The following ZNF609 variants were observed in gnomAD, a reference collection of about 807,000 sequenced individuals.
ZNF609 encodes zinc finger protein 609.
ZNF609 carries 11 observed loss-of-function variants against 109.5 expected under a neutral mutation model. The ratio of observed to expected loss-of-function variants is 0.10; its 90% CI spans 0.06 to 0.17. ZNF609 has a LOEUF of 0.17. Ranked by LOEUF, ZNF609 falls within the 10% of genes least tolerant of loss-of-function variation. The pLI is 1.00. For missense variants in ZNF609, 1,559 were observed against 1,772.4 expected (o/e 0.88, Z 2.16); for synonymous variants, 646 against 662.0 (o/e 0.98, Z 0.37).
At chr15:64,549,624 T>C (rs891052818) in intron 2 of ZNF609, among the ~76,000 whole-genome samples, 24 of 152,184 alleles carry the variant, frequency 1.6e-4, no homozygotes, top group African/African-American at 5.8e-4. Context: ...AGAGCCAAAA[T>C]TCAAAGCCAG....
intron 2 of ZNF609, among the ~76,000 whole-genome samples, chr15:64,602,006 A>T (rs954561921): frequency 6.6e-6 from 1 of 152,102 alleles, no homozygotes. Context: ...ATTTTCTATC[A>T]AAAAAGCTAT....
intron 2 of ZNF609, among the ~76,000 whole-genome samples, chr15:64,604,291 C>A (rs1895558640): frequency 6.6e-6 from 1 of 152,182 alleles, no homozygotes; most frequent in Non-Finnish European, 1.5e-5. Flanking sequence ...GCAAGGCTTG[C>A]TAAACTACTT....
rs1257986118 is a variant in ZNF609 at position 64,545,972 on chromosome 15, C to CA, written c.747+45809dup. Among the ~76,000 whole-genome samples the CA allele has an allele frequency of 3.9e-5, 6 of 152,202 alleles. No individual in the cohort carries two copies. The South Asian group carries it at 1.0e-3, about 26-fold the overall frequency. On this transcript the variant is annotated intron_variant, in intron 2 of 9. Coordinates refer to ENST00000326648, the MANE Select transcript of ZNF609 (RefSeq NM_015042.2). ...ATAAAGGTGTGAACATTCATGTACA[C>CA]AAAGTTTTTTGTGGATAGAGGGTTT...
intron 1 of ZNF609, among the ~76,000 whole-genome samples, chr15:64,485,211 A>G (rs1893315675): frequency 6.6e-6 from 1 of 152,196 alleles, no homozygotes. Flanking sequence ...TGAAGGCTTT[A>G]ATGAATACAT....
At chr15:64,562,922 G>A (rs948849708) in intron 2 of ZNF609, among the ~76,000 whole-genome samples, 1 of 150,768 alleles carries the variant, frequency 6.6e-6, no homozygotes, top group African/African-American at 2.4e-5. Context: ...TAGGAGAGGG[G>A]GAGAGCACAT....
At chr15:64,609,544 A>G (rs1422505710) in intron 2 of ZNF609, among the ~76,000 whole-genome samples, 1 of 151,098 alleles carries the variant, frequency 6.6e-6, no homozygotes, top group Non-Finnish European at 1.5e-5. Context: ...TCCTGACCTC[A>G]GGTGATCCAC....
At chr15:64,580,664 C>G (rs1272297040) in intron 2 of ZNF609, among the ~76,000 whole-genome samples, 1 of 151,590 alleles carries the variant, frequency 6.6e-6, no homozygotes. Flanking sequence ...GCCTCAGCCT[C>G]CCGAGTAACT....
At chr15:64,593,187 AGC>A (rs1895331671) in intron 2 of ZNF609, 1 of 1,531,946 alleles carries the variant, frequency 6.5e-7, no homozygotes. Context: ...CTGTATGTGA[AGC>A]TGCATTACTG....
intron 2 of ZNF609, among the ~76,000 whole-genome samples, chr15:64,508,614 G>A (rs1035920952): frequency 1.3e-5 from 2 of 151,254 alleles, no homozygotes; most frequent in African/African-American, 4.9e-5. Flanking sequence ...ATGAGAATTC[G>A]ATAAAAATTT....
At chr15:64,565,164 A>G (rs1894756189) in intron 2 of ZNF609, among the ~76,000 whole-genome samples, 3 of 149,726 alleles carry the variant, frequency 2.0e-5, no homozygotes, top group Admixed American at 6.6e-5. Flanking sequence ...GGTTCAAGCA[A>G]TTCTCCTGCC....
chr15:64,506,972 A>G (rs1487973718), intron 2 of ZNF609, among the ~76,000 whole-genome samples: 1 of 152,190 alleles, frequency 6.6e-6, no homozygotes, highest in Non-Finnish European at 1.5e-5. Context: ...AGAAGTTCCA[A>G]ATCTAGGCTG....
At chr15:64,485,855 G>T (rs1327874427) in intron 1 of ZNF609, among the ~76,000 whole-genome samples, 1 of 152,152 alleles carries the variant, frequency 6.6e-6, no homozygotes, top group Non-Finnish European at 1.5e-5. Context: ...GTTTCCTCCA[G>T]TGGTAACATC....
chr15:64,575,319 G>A lies in ZNF609; in HGVS notation c.748-47508G>A, dbSNP rs549005411. 2.0e-5 allele frequency among the ~76,000 whole-genome samples: 3 copies of A among 152,226 alleles called. No homozygotes were observed. In the East Asian group the frequency reaches 5.8e-4, roughly 29 times the overall value. ...CATGCCTGTATTCCCAGCTACTCAG[G>A]AGGCTGAGGCAGGAAAATCACTTGA... On this transcript the variant is annotated intron_variant, in intron 2 of 9. Coordinates refer to ENST00000326648, the MANE Select transcript of ZNF609 (RefSeq NM_015042.2).
chr15:64,554,377 C>T (rs1482882481), intron 2 of ZNF609, among the ~76,000 whole-genome samples: 9 of 152,154 alleles, frequency 5.9e-5, no homozygotes, highest in Admixed American at 3.9e-4. Flanking sequence ...CACAGTGGCT[C>T]ACACCTCTAA....
intron 1 of ZNF609, among the ~76,000 whole-genome samples, chr15:64,487,250 C>T (rs1409331574): frequency 6.6e-6 from 1 of 152,134 alleles, no homozygotes; most frequent in Non-Finnish European, 1.5e-5. Context: ...CCCTCCCATC[C>T]TGTTATCTCT....
Position 64,499,554 on chromosome 15 carries a change from C to T in ZNF609, c.135C>T (p.Asp45=). 1.9e-6 allele frequency: 3 copies of T among 1,614,126 alleles called. No individual in the cohort carries two copies. The highest frequency in any genetic ancestry group is 2.5e-6 in the Non-Finnish European group (3 of 1,180,040). ...ACCTGGACGCCGATCTGGAAAAGGA[C>T]CAGCAGAAACTGGAAATGTCAGGCT... ...IIDLDADLEK[D]QQKLEMSGSK... is the part of the protein sequence containing the mutation. The change falls in exon 2 of 10, where the codon GAC becomes GAT. Residue 45 remains aspartate, a synonymous_variant. Coordinates refer to ENST00000326648, the MANE Select transcript of ZNF609 (RefSeq NM_015042.2).
chr15:64,512,924 C>T (rs1332696195), intron 2 of ZNF609, among the ~76,000 whole-genome samples: 1 of 152,078 alleles, frequency 6.6e-6, no homozygotes, highest in Non-Finnish European at 1.5e-5. Context: ...ATTATTTCCT[C>T]ATCCAGGTAA....
intron 2 of ZNF609, among the ~76,000 whole-genome samples, chr15:64,560,062 T>G (rs1483079139): frequency 6.6e-6 from 1 of 152,180 alleles, no homozygotes; most frequent in Non-Finnish European, 1.5e-5. Context: ...CTGGGTTTTT[T>G]TTGAGACTGA....
At chr15:64,669,581 T>C (rs1896696728) in intron 3 of ZNF609, among the ~76,000 whole-genome samples, 1 of 152,194 alleles carries the variant, frequency 6.6e-6, no homozygotes, top group Admixed American at 6.5e-5. Context: ...TTAGGGTTTG[T>C]TGGAGATTTT....
Sources: gnomAD v4.1 joint callset for allele counts (sites outside exome capture counted in the v4.1 genomes callset) on GRCh38, gnomAD v4.1.1 for gene constraint, MANE v1.5 for transcripts, NCBI Gene and HGNC (gene_info 2026-07-23, HGNC 2026-07-21) for gene names.